Variants in NDUFS5 observed in about 807,000 individuals in gnomAD.
NDUFS5 encodes the protein NADH dehydrogenase [ubiquinone] iron-sulfur protein 5.
A neutral mutation model predicts 10.5 loss-of-function variants in NDUFS5; 7 were observed. The ratio of observed to expected loss-of-function variants is 0.66; its 90% confidence interval spans 0.38 to 1.25. The LOEUF (loss-of-function observed/expected upper bound fraction) is 1.25. Ranked by LOEUF, NDUFS5 falls within the 50% of genes most tolerant of loss-of-function variation. NDUFS5 has a pLI of 0.02. For synonymous variants in NDUFS5, 38 were observed against 44.0 expected (o/e 0.86, Z 0.54); for missense variants, 148 against 140.7 (o/e 1.05, Z -0.26).
In NDUFS5 at chr1:39,027,251, T is replaced by C. The variant is rs12402775; in HGVS notation, c.-3+849T>C. Among the ~76,000 whole-genome samples the C allele has an allele frequency of 8.2e-3, 1,249 of 152,144 alleles. 31 individuals carry two copies. The highest frequency in any genetic ancestry group is 0.056 in the East Asian group (288 of 5,168). ...ACGCCCGGCTAATTTTGTATTTTTT[T>C]AGTAGAGAGAGGGTTTCGCCATGTT... On this transcript the variant is annotated intron_variant, in intron 1 of 2. Coordinates refer to ENST00000372969, the MANE Select transcript of NDUFS5 (RefSeq NM_004552.3).
At chr1:39,033,305 G>A (rs986164966) in intron 2 of NDUFS5, among the ~76,000 whole-genome samples, 2 of 152,048 alleles carry the variant, frequency 1.3e-5, no homozygotes, top group Non-Finnish European at 2.9e-5. Context: ...CGGGTGCGGT[G>A]GCTCACGCCT....
intron 2 of NDUFS5, among the ~76,000 whole-genome samples, chr1:39,033,355 C>T (rs929166477): frequency 2.6e-5 from 4 of 151,816 alleles, no homozygotes; most frequent in Admixed American, 2.0e-4. Context: ...TGGCGGATCA[C>T]GAGGTCAGGA....
intron 2 of NDUFS5, 27 bp from the exon 3 acceptor site, chr1:39,034,365 A>G: frequency 6.2e-7 from 1 of 1,606,954 alleles, no homozygotes; most frequent in Non-Finnish European, 8.5e-7. Flanking sequence ...CTCCTCCCTC[A>G]GTTTAATTAC....
rs542162737 is a variant in NDUFS5 at position 39,028,207 on chromosome 1, G to A, written c.-2-516G>A. On this transcript the variant is annotated intron_variant, in intron 1 of 2. Transcript: ENST00000372969. ...AGCACTTTGGGAGGCCAAGGCGGGC[G>A]GATCACCTGAGGTCAGGAGTTCAAG... Among the ~76,000 whole-genome samples the A allele has an allele frequency of 1.0e-4, 15 of 148,626 alleles. No individual in the cohort carries two copies. The East Asian group carries it at 2.0e-3, about 20-fold the overall frequency.
At chr1:39,032,092 G>A (rs1644194020) in intron 2 of NDUFS5, among the ~76,000 whole-genome samples, 1 of 151,560 alleles carries the variant, frequency 6.6e-6, no homozygotes, top group African/African-American at 2.4e-5. Context: ...CCGAGAGGCG[G>A]AGGTTGTAGT....
intron 2 of NDUFS5, among the ~76,000 whole-genome samples, chr1:39,031,981 A>AC (rs1644193294): frequency 6.7e-6 from 1 of 149,112 alleles, no homozygotes; most frequent in African/African-American, 2.5e-5. Context: ...ACATGGTGAA[A>AC]CCCCCTCTCT....
chr1:39,034,344 T>C, intron 2 of NDUFS5, 48 bp from the exon 3 acceptor site: 2 of 1,579,476 alleles, frequency 1.3e-6, no homozygotes, highest in Non-Finnish European at 1.7e-6. Context: ...TTCTCACTTT[T>C]TGGCACATAT....
intron 2 of NDUFS5, among the ~76,000 whole-genome samples, chr1:39,030,401 T>G (rs1570991733): frequency 1.0e-5 from 1 of 98,138 alleles, no homozygotes. Context: ...CGAGACTCCG[T>G]CTCAAGAAAA....
At chr1:39,033,020 T>C (rs1176854072) in intron 2 of NDUFS5, among the ~76,000 whole-genome samples, 1 of 152,164 alleles carries the variant, frequency 6.6e-6, no homozygotes, top group Admixed American at 6.6e-5. Flanking sequence ...TCAGATTTAG[T>C]AAATTTTCTG....
intron 2 of NDUFS5, among the ~76,000 whole-genome samples, chr1:39,033,489 C>T (rs1473761483): frequency 1.7e-4 from 26 of 148,866 alleles, no homozygotes; most frequent in Non-Finnish European, 3.1e-4. Context: ...AGGAGAATGG[C>T]GCGAACCCAG....
intron 2 of NDUFS5, among the ~76,000 whole-genome samples, chr1:39,031,469 C>T (rs371887014): frequency 3.9e-5 from 6 of 152,178 alleles, no homozygotes; most frequent in Admixed American, 6.6e-5. Context: ...CCACCATGTG[C>T]GGCTTTTTAA....
In NDUFS5 at chr1:39,028,774, G is replaced by C. The variant is rs1293019462; in HGVS notation, c.50G>C (p.Trp17Ser). The part of the protein sequence containing the change: ...QKRFGLNIDR[W>S]LTIQSGEQPY... ...AGGTTCGGCCTTAACATAGATCGAT[G>C]GTTGACAATCCAGAGTGGTGAACAG... Residue 17 changes from tryptophan (W) to serine (S), a missense_variant, in exon 2 of 3, where the codon TGG becomes TCG. By Grantham distance (177) the Trp-to-Ser change is radical. Coordinates refer to ENST00000372969, the MANE Select transcript of NDUFS5 (RefSeq NM_004552.3). 6.2e-7 allele frequency: 1 copy of C among 1,614,078 alleles called. No homozygotes were observed. Among genetic ancestry groups the C allele is most frequent in the East Asian group, 2.2e-5 (1 of 44,878 alleles).
rs373046462 is a variant in NDUFS5, at chr1:39,027,062, A to G, written c.-3+660A>G. On this transcript the variant is annotated intron_variant, in intron 1 of 2. Transcript: ENST00000372969. ...TGACTGAGGGATGGGAAGGAACTTA[A>G]GAAGTTAAATTCACCTTTTTGTTGA... Among the ~76,000 whole-genome samples the G allele has an allele frequency of 3.9e-5, 6 of 152,162 alleles. No individual in the cohort carries two copies. In the East Asian group the frequency reaches 9.6e-4, roughly 24 times the overall value.
Position 39,034,495 on chromosome 1 carries a change from G to C in NDUFS5, c.320G>C (p.Ter107SerextTer10). 1 of 1,613,070 alleles carries C rather than the reference G, an allele frequency of 6.2e-7. No individual in the cohort carries two copies. Among genetic ancestry groups the C allele is most frequent in the Non-Finnish European group, 8.5e-7 (1 of 1,179,304 alleles). The change falls in exon 3 of 3, where the codon TGA becomes TCA. Residue 107 changes from the stop codon to serine, a stop_lost. Coordinates refer to ENST00000372969, the MANE Select transcript of NDUFS5 (RefSeq NM_004552.3). ...ATTGGCAAGGGGGAGCCTCGGCCCT[G>C]AACAGAGCAGCTGCTGATGTCTGGA... ...HHIGKGEPRP[*>S]
At chr1:39,028,454 C>T (rs1644167996) in intron 1 of NDUFS5, among the ~76,000 whole-genome samples, 1 of 151,978 alleles carries the variant, frequency 6.6e-6, no homozygotes, top group African/African-American at 2.4e-5. Flanking sequence ...GCCACCGCTC[C>T]TGACCGAGAA....
intron 1 of NDUFS5, among the ~76,000 whole-genome samples, 184 bp downstream of exon 1, chr1:39,026,586 C>G (rs72940832): frequency 6.6e-6 from 1 of 152,182 alleles, no homozygotes; most frequent in Non-Finnish European, 1.5e-5. Flanking sequence ...TGGAGATTGC[C>G]GCTCTCTCCA....
intron 2 of NDUFS5, among the ~76,000 whole-genome samples, chr1:39,030,418 A>AGAAAATAAAAAAAAGATTTTGAT (rs1278499599): frequency 1.4e-5 from 2 of 146,976 alleles, no homozygotes; most frequent in African/African-American, 2.5e-5. Flanking sequence ...AAAAAAAAAA[A>AGAAAATAAAAAAAAGATTTTGAT]AAAGATGGCC....
intron 2 of NDUFS5, among the ~76,000 whole-genome samples, chr1:39,033,223 C>A (rs1644202140): frequency 6.6e-6 from 1 of 151,986 alleles, no homozygotes; most frequent in East Asian, 1.9e-4. Flanking sequence ...TTGGCTATTT[C>A]TGCTTCATTC....
intron 2 of NDUFS5, among the ~76,000 whole-genome samples, chr1:39,034,014 T>C (rs1285028105): frequency 6.6e-6 from 1 of 151,710 alleles, no homozygotes; most frequent in Non-Finnish European, 1.5e-5. Context: ...TTGGCCAGTC[T>C]GGTCTTAAAC....
Sources: allele counts gnomAD v4.1 joint callset (sites outside exome capture counted in the v4.1 genomes callset), GRCh38; gene constraint gnomAD v4.1.1; transcripts MANE v1.5; gene names NCBI Gene and HGNC (gene_info 2026-07-23, HGNC 2026-07-21).